Variants in CEP350 observed in about 807,000 individuals in gnomAD.
The protein encoded by CEP350 is centrosome-associated protein 350.
In CEP350, 126 loss-of-function variants were observed where a neutral mutation model predicts 331.8. That is an observed-to-expected ratio of 0.38 (90% CI 0.33 to 0.44). The LOEUF is 0.44. Among genes scored for constraint, CEP350 ranks in the 20% least tolerant of loss-of-function variants. CEP350 has a pLI of 1.00. For synonymous variants in CEP350, 1,200 were observed against 1,259.5 expected, an observed-to-expected ratio of 0.95 and a Z score of 1.00; for missense variants, 3,406 against 3,634.6, an observed-to-expected ratio of 0.94 and a Z score of 1.62.
intron 1 of CEP350, among the ~76,000 whole-genome samples, chr1:179,961,133 C>CT (rs1650578412): frequency 6.6e-6 from 1 of 152,084 alleles, no homozygotes; most frequent in Non-Finnish European, 1.5e-5. Context: ...AAAAGTTTCA[C>CT]TTTTCAAAGT....
At chr1:180,095,229 C>T (rs1660416023) in intron 34 of CEP350, 2 of 106,764 alleles carry the variant, frequency 1.9e-5, no homozygotes, top group South Asian at 7.1e-4. Flanking sequence ...TTTCCATATC[C>T]CATAGACAGT....
Position 180,114,453 on chromosome 1 carries a change from A to G in CEP350, c.*3292A>G, listed in dbSNP as rs151121922. On this transcript the variant is annotated 3_prime_UTR_variant, in exon 38 of 38. Coordinates refer to ENST00000367607, the MANE Select transcript of CEP350 (RefSeq NM_014810.5). ...CTTCAACTGGTTGTGCAGCAATTCA[A>G]TAAAATATCTTTGTATTATAAAAAT... 7.2e-5 allele frequency: 11 copies of G among 152,806 alleles called. No homozygotes were observed. Among genetic ancestry groups the G allele is most frequent in the Admixed American group, 5.9e-4 (9 of 15,304 alleles). The allele number at this position is 152,806 out of a possible 1,614,324, so 9.5% of individuals were successfully genotyped here. A position where few individuals can be genotyped will look rare whatever the true frequency, so the allele number is the denominator to read the frequency against.
chr1:180,045,079 C>T (rs981670027), intron 21 of CEP350, among the ~76,000 whole-genome samples: 5 of 152,088 alleles, frequency 3.3e-5, no homozygotes, highest in African/African-American at 4.8e-5. Context: ...CAGTGACTCA[C>T]GCCTGTGATT....
At chr1:180,013,281 G>A (rs1195455474) in intron 9 of CEP350, among the ~76,000 whole-genome samples, 2 of 152,086 alleles carry the variant, frequency 1.3e-5, no homozygotes, top group African/African-American at 4.8e-5. Context: ...CCTGAACATG[G>A]TGCCATTTCA....
chr1:179,987,394 T>G (rs1652712602), intron 3 of CEP350, 108 bp downstream of exon 3: 6 of 351,656 alleles, frequency 1.7e-5, no homozygotes, highest in Non-Finnish European at 3.1e-5. Context: ...TACTATATAT[T>G]ACTATAGAAT....
Position 180,087,732 on chromosome 1 carries a change from TA to T in CEP350, c.6425+17del. The T allele has an allele frequency of 6.7e-7, 1 of 1,490,544 alleles. No individual in the cohort carries two copies. The highest frequency in any genetic ancestry group is 2.3e-5 in the Admixed American group (1 of 44,300). 92.3% of individuals were successfully genotyped at this position (1,490,544 alleles called of 1,614,324 possible). ...CCACTACACAGGTAGAAATTTTTGA[TA>T]ACTTGTCTGTATTCTGCCTTGTTTG... On this transcript the variant is annotated intron_variant, in intron 32 of 37. Coordinates refer to ENST00000367607, the MANE Select transcript of CEP350 (RefSeq NM_014810.5).
intron 21 of CEP350, among the ~76,000 whole-genome samples, 171 bp from the exon 22 acceptor site, chr1:180,048,365 C>T (rs185455551): frequency 7.9e-5 from 12 of 152,262 alleles, no homozygotes; most frequent in Admixed American, 5.9e-4. Flanking sequence ...CTCATCTTTT[C>T]CAATATATTC....
At chr1:180,046,549 T>C (rs1426830624) in intron 21 of CEP350, among the ~76,000 whole-genome samples, 3 of 152,266 alleles carry the variant, frequency 2.0e-5, no homozygotes, top group Admixed American at 6.5e-5. Flanking sequence ...CATTCACATA[T>C]AACCTTTTGT....
chr1:180,077,550 C>G (rs1238920894), intron 28 of CEP350, among the ~76,000 whole-genome samples: 1 of 151,548 alleles, frequency 6.6e-6, no homozygotes, highest in Non-Finnish European at 1.5e-5. Flanking sequence ...GCCTGTAGTC[C>G]CAGCTACTTA....
chr1:180,012,048 G>C lies in CEP350; in HGVS notation c.1366G>C (p.Gly456Arg). 6.4e-7 allele frequency: 1 copy of C among 1,566,430 alleles called. No individual in the cohort carries two copies. The highest frequency in any genetic ancestry group is 8.7e-7 in the Non-Finnish European group (1 of 1,155,882). ...KEQRTASSDR[G>R]GRERTAKSGG... ...GCAAAGAACAGCATCAAGTGACAGA[G>C]GTGGAAGAGAAAGAACTGCTAAATC... The change falls in exon 9 of 38, where the codon GGT (glycine) becomes CGT (arginine). Residue 456 changes from glycine to arginine, a missense_variant. This residue lies in a region of CEP350 where 1,857 missense variants were observed against 1,909.2 expected (regional missense o/e 0.97). Coordinates refer to ENST00000367607, the MANE Select transcript of CEP350 (RefSeq NM_014810.5).
At chr1:180,043,348 A>G (rs145959931) in intron 20 of CEP350, among the ~76,000 whole-genome samples, 156 bp downstream of exon 20, 34 of 152,346 alleles carry the variant, frequency 2.2e-4, no homozygotes, top group African/African-American at 7.9e-4. Flanking sequence ...ACATTACTCA[A>G]ATATTCAGTT....
intron 19 of CEP350, 116 bp from the exon 20 acceptor site, chr1:180,042,940 C>A: frequency 1.8e-6 from 2 of 1,084,114 alleles, no homozygotes; most frequent in South Asian, 1.6e-5. Context: ...CTATTAGTGG[C>A]AGAATTTGCT....
intron 36 of CEP350, among the ~76,000 whole-genome samples, chr1:180,097,836 A>G (rs1303216226): frequency 6.6e-6 from 1 of 152,214 alleles, no homozygotes; most frequent in Non-Finnish European, 1.5e-5. Flanking sequence ...AAACTATCCC[A>G]AAGTCTTTTG....
At chr1:180,044,656 A>T (rs976284639) in intron 21 of CEP350, among the ~76,000 whole-genome samples, 1 of 121,618 alleles carries the variant, frequency 8.2e-6, no homozygotes, top group South Asian at 2.7e-4. Flanking sequence ...GAAGGGAAAC[A>T]TCACACTCCG....
At chr1:180,061,205 T>TGATA (rs149608759) in intron 25 of CEP350, among the ~76,000 whole-genome samples, 2 of 151,640 alleles carry the variant, frequency 1.3e-5, no homozygotes. Flanking sequence ...ATTGATTGAT[T>TGATA]GATTGATTGA....
At chr1:180,066,449 T>A (rs1337186976) in intron 27 of CEP350, among the ~76,000 whole-genome samples, 1 of 152,176 alleles carries the variant, frequency 6.6e-6, no homozygotes, top group Non-Finnish European at 1.5e-5. Flanking sequence ...ATGCTCTATG[T>A]TTATATGTTA....
intron 11 of CEP350, among the ~76,000 whole-genome samples, chr1:180,016,244 A>G (rs1654963664): frequency 2.6e-5 from 4 of 152,232 alleles, no homozygotes; most frequent in Admixed American, 2.6e-4. Context: ...ACACAATAAA[A>G]GTGTGTTGGA....
At chr1:180,003,368 A>G in intron 7 of CEP350, 81 bp downstream of exon 7, 2 of 917,096 alleles carry the variant, frequency 2.2e-6, no homozygotes, top group Non-Finnish European at 3.3e-6. Flanking sequence ...TAAAATTGTC[A>G]CCAAACTAAC....
rs563824702 is a variant in CEP350 at position 179,985,279 on chromosome 1, C to T, written c.-13-890C>T. Among the ~76,000 whole-genome samples the T allele has an allele frequency of 5.9e-5, 9 of 152,272 alleles. No homozygotes were observed. The South Asian group carries it at 1.9e-3, about 32-fold the overall frequency. On this transcript the variant is annotated intron_variant, in intron 1 of 37. Transcript: ENST00000367607. ...TTGTCTTTTTGTGATTAGCTTATTT[C>T]ACTTAGTATAATGTCCTCCAGATTC...
Sources: gnomAD v4.1 joint callset for allele counts (sites outside exome capture counted in the v4.1 genomes callset) on GRCh38, gnomAD v4.1.1 for gene constraint, gnomAD v4.1.1 regional missense constraint, MANE v1.5 for transcripts, NCBI Gene and HGNC (gene_info 2026-07-23, HGNC 2026-07-21) for gene names.